Variants in DDX23 observed in about 807,000 individuals in gnomAD.
DDX23 encodes DEAD-box helicase 23, also known as probable ATP-dependent RNA helicase DDX23.
A neutral mutation model predicts 102.7 loss-of-function variants in DDX23; 33 were observed. That is an observed-to-expected ratio of 0.32 (90% CI 0.24 to 0.43). The LOEUF (loss-of-function observed/expected upper bound fraction) is 0.43, where lower values mean the gene tolerates loss of function less well. DDX23 is among the 20% of genes least tolerant of loss of function. The probability of loss-of-function intolerance (pLI) is 1.00; values close to 1 mark genes in which losing one functional copy is unlikely to be tolerated. For synonymous variants in DDX23, 352 were observed against 376.0 expected (o/e 0.94, Z 0.74); for missense variants, 549 against 1,086.6 (o/e 0.51, Z 6.96).
chr12:48,834,502 G>A lies in DDX23; in HGVS notation c.1383-5C>T. The A allele has an allele frequency of 1.2e-5, 19 of 1,611,060 alleles. No individual in the cohort carries two copies. Among genetic ancestry groups the A allele is most frequent in the Non-Finnish European group, 1.6e-5 (19 of 1,178,626 alleles). Reference sequence around the variant, plus strand: ...CCTTGGTCTGACTCTTCGATCCTGTGGTAAACAGGGTGCCCCACAGCTTCG... The same window carrying A: ...CCTTGGTCTGACTCTTCGATCCTGTAGTAAACAGGGTGCCCCACAGCTTCG... On this transcript the variant is annotated splice_polypyrimidine_tract_variant and splice_region_variant and intron_variant, in intron 11 of 16. Transcript: ENST00000308025.
intron 15 of DDX23, 89 bp from the exon 16 acceptor site, chr12:48,831,405 G>T (rs1309227311): frequency 2.3e-6 from 3 of 1,293,552 alleles, no homozygotes; most frequent in Non-Finnish European, 3.3e-6. Flanking sequence ...ATGAAGGGAG[G>T]GTTGGAGAGA....
In DDX23 at chr12:48,839,877, G is replaced by C; in HGVS notation, c.447C>G (p.Ala149=). The stretch of plus-strand genomic sequence containing the variant: ...CAGCTTCTTCCTCAGCCTTTTTCTT[G>C]GCCAGAAGCTCCTCCAGGGATAATG... ...AQPLSLEELL[A]KKKAEEEAEA... The change falls in exon 5 of 17, where the codon GCC becomes GCG. Residue 149 remains alanine, a synonymous_variant. Transcript: ENST00000308025. 6.2e-7 allele frequency: 1 copy of C among 1,614,090 alleles called. No homozygotes were observed. Among genetic ancestry groups the C allele is most frequent in the Non-Finnish European group, 8.5e-7 (1 of 1,180,010 alleles).
intron 3 of DDX23, among the ~76,000 whole-genome samples, chr12:48,840,730 T>G (rs1490611177): frequency 6.6e-6 from 1 of 151,598 alleles, no homozygotes; most frequent in Non-Finnish European, 1.5e-5. Flanking sequence ...TTTTTATATT[T>G]TTAGTAGAGA....
At chr12:48,850,644 A>G (rs1412285955) in intron 1 of DDX23, among the ~76,000 whole-genome samples, 3 of 152,228 alleles carry the variant, frequency 2.0e-5, no homozygotes, top group African/African-American at 7.2e-5. Flanking sequence ...TAGCCACGGG[A>G]TGAACCAGAG....
chr12:48,831,390 C>T, intron 15 of DDX23, 74 bp from the exon 16 acceptor site: 1 of 1,456,360 alleles, frequency 6.9e-7, no homozygotes, highest in Non-Finnish European at 9.6e-7. Flanking sequence ...AGGAATGGGA[C>T]ACAGATGAAG....
chr12:48,831,059 A>G (rs1313433670), intron 16 of DDX23, 83 bp downstream of exon 16: 2 of 1,522,464 alleles, frequency 1.3e-6, no homozygotes, highest in East Asian at 4.5e-5. Flanking sequence ...ACAGCCTTCC[A>G]TGGACAGCAC....
intron 2 of DDX23, among the ~76,000 whole-genome samples, chr12:48,844,442 C>A (rs1164147937): frequency 6.6e-6 from 1 of 151,972 alleles, no homozygotes; most frequent in Admixed American, 6.6e-5. Flanking sequence ...CCATGCCTGG[C>A]TAATTTTTGT....
At chr12:48,844,762 G>A (rs899833559) in intron 2 of DDX23, among the ~76,000 whole-genome samples, 7 of 150,130 alleles carry the variant, frequency 4.7e-5, no homozygotes, top group Admixed American at 1.3e-4. Flanking sequence ...TGAACCAACC[G>A]CGCCCGGCCC....
chr12:48,838,476 G>A (rs1385665422), intron 5 of DDX23, among the ~76,000 whole-genome samples: 1 of 151,734 alleles, frequency 6.6e-6, no homozygotes, highest in Non-Finnish European at 1.5e-5. Flanking sequence ...TATGAGCCCA[G>A]GAGTTTGAGG....
intron 3 of DDX23, 72 bp from the exon 4 acceptor site, chr12:48,840,178 A>C: frequency 8.2e-7 from 1 of 1,218,742 alleles, no homozygotes; most frequent in Non-Finnish European, 1.2e-6. Flanking sequence ...TTGAGCCCCG[A>C]AAAGAGAATG....
At position 48,830,655 on chromosome 12, in the gene DDX23, G is replaced by C. The variant is rs781203319; in HGVS notation, c.2277C>G (p.Gly759=). Residue 759 remains glycine, a synonymous_variant, in exon 17 of 17, where the codon GGC becomes GGG. Coordinates refer to ENST00000308025, the MANE Select transcript of DDX23 (RefSeq NM_004818.3). The surrounding 1 kb of genome is among the most constrained non-coding windows in gnomAD (Gnocchi z 4.9). ...GGAAGGTGATGGCCACCCCACTCTT[G>C]CCTGCTCGTCCCGTGCGGCCAATGC... is the stretch of plus-strand genomic sequence containing the variant. ...IHRIGRTGRA[G]KSGVAITFLT... The C allele has an allele frequency of 4.3e-6, 7 of 1,613,824 alleles. No homozygotes were observed. In the Admixed American group the frequency reaches 1.2e-4, roughly 27 times the overall value.
intron 1 of DDX23, among the ~76,000 whole-genome samples, chr12:48,848,153 G>T (rs1189849995): frequency 6.6e-6 from 1 of 152,080 alleles, no homozygotes; most frequent in African/African-American, 2.4e-5. Context: ...GGGCGTGGTG[G>T]TGGGCGCCTG....
At chr12:48,850,271 A>G (rs764008697) in intron 1 of DDX23, among the ~76,000 whole-genome samples, 1 of 152,230 alleles carries the variant, frequency 6.6e-6, no homozygotes, top group Non-Finnish European at 1.5e-5. Flanking sequence ...CTAAGGAAGA[A>G]GCAGAAAGAG....
At position 48,837,637 on chromosome 12, in the gene DDX23, G is replaced by A. The variant is rs774474991; in HGVS notation, c.640C>T (p.Arg214Cys). 6 of 1,613,810 alleles carry A rather than the reference G, an allele frequency of 3.7e-6. No homozygotes were observed. Among genetic ancestry groups the A allele is most frequent in the African/African-American group, 1.3e-5 (1 of 74,796 alleles). Residue 214 changes from arginine to cysteine, a missense_variant, in exon 7 of 17, where the codon CGT (arginine) becomes TGT (cysteine). Physicochemically the swap from Arg to Cys is radical, Grantham distance 180. Transcript: ENST00000308025. ...KMLEDPQERE[R>C]RERRERMERE... The stretch of plus-strand genomic sequence containing the variant: ...TCCATCCTCTCCCTGCGTTCCCGAC[G>A]TTCCCGTTCCTGAGGATCTTCTGCA...
intron 2 of DDX23, among the ~76,000 whole-genome samples, chr12:48,844,598 T>C (rs1235883188): frequency 6.6e-6 from 1 of 150,742 alleles, no homozygotes; most frequent in Admixed American, 6.6e-5. Context: ...CCTTCCTTGA[T>C]AACCCGGACC....
chr12:48,831,240 G>A lies in DDX23; in HGVS notation c.2141C>T (p.Ala714Val), dbSNP rs768219066. The change falls in exon 16 of 17, where the codon GCC becomes GTC. Residue 714 changes from alanine to valine, a missense_variant. By Grantham distance (64) the Ala-to-Val change is moderately conservative. Around this residue, in one of 4 missense-constraint regions of DDX23, gnomAD observed 270 missense variants for 707.0 expected, o/e 0.38. Transcript: ENST00000308025. ...ATCTGTAGCCACCAAAATATCCTTG[G>A]CCCCAGCCTTGAGGTTGGACAACGC... is the stretch of plus-strand genomic sequence containing the variant. ...EFALSNLKAGAKDILVATDVA... is the reference protein window; with the variant it reads ...EFALSNLKAGVKDILVATDVA... 3.7e-6 allele frequency: 6 copies of A among 1,614,066 alleles called. No individual in the cohort carries two copies. In the Admixed American group the frequency reaches 6.7e-5, roughly 18 times the overall value.
intron 1 of DDX23, among the ~76,000 whole-genome samples, chr12:48,846,670 T>A (rs746263866): frequency 6.6e-6 from 1 of 152,208 alleles, no homozygotes; most frequent in Non-Finnish European, 1.5e-5. Flanking sequence ...TATACACATT[T>A]TTTAACTTCC....
chr12:48,846,073 A>C (rs1487681385), intron 1 of DDX23, among the ~76,000 whole-genome samples: 1 of 152,092 alleles, frequency 6.6e-6, no homozygotes, highest in Non-Finnish European at 1.5e-5. Flanking sequence ...CAGTGGTGCA[A>C]TCATAGGTCA....
chr12:48,837,317 T>C lies in DDX23; in HGVS notation c.830A>G (p.Asp277Gly), dbSNP rs1428742663. 1 of 1,613,982 alleles carries C rather than the reference T, an allele frequency of 6.2e-7. No individual in the cohort carries two copies. Among genetic ancestry groups the C allele is most frequent in the Non-Finnish European group, 8.5e-7 (1 of 1,180,028 alleles). The change falls in exon 8 of 17, where the codon GAT becomes GGT. Residue 277 changes from aspartate (D) to glycine (G), a missense_variant. By Grantham distance (94) the Asp-to-Gly change is moderately conservative (BLOSUM62 -1). This residue lies in a region of DDX23 where 270 missense variants were observed against 707.0 expected (regional missense o/e 0.38). Coordinates refer to ENST00000308025, the MANE Select transcript of DDX23 (RefSeq NM_004818.3). Reference protein sequence around the residue: ...LNDRKFVFEWDASEDTSIDYN... With the variant: ...LNDRKFVFEWGASEDTSIDYN... ...GTCAATGGATGTGTCCTCAGATGCA[T>C]CCCACTCAAAAACAAATTTCCGGTC...
Sources: allele counts gnomAD v4.1 joint callset (sites outside exome capture counted in the v4.1 genomes callset), GRCh38; gene constraint gnomAD v4.1.1; regional missense constraint gnomAD v4.1.1; non-coding constraint Gnocchi (gnomAD v3.1); transcripts MANE v1.5; gene names NCBI Gene and HGNC (gene_info 2026-07-23, HGNC 2026-07-21).